The following SSX2IP variants were observed in gnomAD, a reference collection of about 807,000 sequenced individuals.
The protein encoded by SSX2IP is SSX family member 2 interacting protein.
A neutral mutation model predicts 84.9 loss-of-function variants in SSX2IP; 55 were observed. The observed-to-expected ratio is 0.65, with a 90% CI of 0.52 to 0.81. The LOEUF (loss-of-function observed/expected upper bound fraction) is 0.81. SSX2IP is among the 30% of genes least tolerant of loss of function. The probability of loss-of-function intolerance (pLI) is 0.00; values close to 1 mark genes in which losing one functional copy is unlikely to be tolerated. For missense variants in SSX2IP, 664 were observed against 705.2 expected (o/e 0.94, Z 0.66); for synonymous variants, 239 against 234.7 (o/e 1.02, Z -0.17).
intron 4 of SSX2IP, among the ~76,000 whole-genome samples, chr1:84,668,069 T>C (rs1267883960): frequency 1.3e-5 from 2 of 152,156 alleles, no homozygotes; most frequent in Non-Finnish European, 2.9e-5. Context: ...CCCCACTGAA[T>C]ACACATTTCT....
rs1336110845 is a variant in SSX2IP at position 84,656,474 on chromosome 1, T to C, written c.1089A>G (p.Val363=). Residue 363 remains valine, a synonymous_variant, in exon 10 of 14, where the codon GTA becomes GTG. Coordinates refer to ENST00000342203, the MANE Select transcript of SSX2IP (RefSeq NM_001166293.2). The stretch of plus-strand genomic sequence containing the variant: ...CTTCATCATTAAAACCTTCCAGGTG[T>C]ACCTTTGAAACTAAGACAAAATCAG... ...VEKLDNQVSK[V]HLEGFNDEDV... 1 of 1,611,568 alleles carries C rather than the reference T, an allele frequency of 6.2e-7. No individual in the cohort carries two copies.
At position 84,650,948 on chromosome 1, in the gene SSX2IP, A is replaced by G. The variant is rs571536339; in HGVS notation, c.1505-421T>C. On this transcript the variant is annotated intron_variant, in intron 12 of 13. Coordinates refer to ENST00000342203, the MANE Select transcript of SSX2IP (RefSeq NM_001166293.2). ...TCTCGATCTCCTGACTTCGTGATCC[A>G]CCTGCCTCGGCCTCCCAAAGTGCTG... is the stretch of plus-strand genomic sequence containing the variant. Among the ~76,000 whole-genome samples, 184 of 152,094 alleles carry G rather than the reference A, an allele frequency of 1.2e-3. 1 individual carries two copies. Among genetic ancestry groups the G allele is most frequent in the Non-Finnish European group, 1.8e-3 (122 of 67,956 alleles).
intron 4 of SSX2IP, 67 bp from the exon 5 acceptor site, chr1:84,666,299 T>G (rs3096445): frequency 0.92 from 1,108,965 of 1,201,532 alleles, 512,885 homozygotes; most frequent in Non-Finnish European, 0.94. Context: ...ATCCTTAAAA[T>G]ATCAGTAACA....
chr1:84,669,933 G>T (rs1448482615), intron 3 of SSX2IP, 40 bp from the exon 4 acceptor site: 1 of 1,471,446 alleles, frequency 6.8e-7, no homozygotes, highest in Non-Finnish European at 9.4e-7. Flanking sequence ...GGTTACAGTT[G>T]AGGAGATACT....
intron 1 of SSX2IP, among the ~76,000 whole-genome samples, chr1:84,682,002 G>C (rs1655146837): frequency 6.6e-6 from 1 of 152,134 alleles, no homozygotes; most frequent in Non-Finnish European, 1.5e-5. Flanking sequence ...GGAGGAAAGA[G>C]GGAAATTGAC....
At chr1:84,650,712 T>C (rs1650104975) in intron 12 of SSX2IP, among the ~76,000 whole-genome samples, 185 bp from the exon 13 acceptor site, 1 of 2,472 alleles carries the variant, frequency 4.0e-4, no homozygotes, top group Non-Finnish European at 3.7e-3. Context: ...AAAAGGATCT[T>C]TTTTTTTTTT....
chr1:84,680,523 A>G (rs1319780488), intron 1 of SSX2IP: 1 of 152,216 alleles, frequency 6.6e-6, no homozygotes, highest in Non-Finnish European at 1.5e-5. Context: ...TCATGGGTAC[A>G]TGGTAAGTGC....
Position 84,658,419 on chromosome 1 carries a change from A to G in SSX2IP, c.977T>C (p.Met326Thr), listed in dbSNP as rs1651444369. 6.2e-7 allele frequency: 1 copy of G among 1,614,114 alleles called. No homozygotes were observed. Among genetic ancestry groups the G allele is most frequent in the African/African-American group, 1.3e-5 (1 of 75,038 alleles). ...CACAGTTTCACAGGAAAGGTCCCACATACTCTCTCTGCTTAGTTCCCCGGC... is the reference window on the plus strand; with the variant it reads ...CACAGTTTCACAGGAAAGGTCCCACGTACTCTCTCTGCTTAGTTCCCCGGC... The part of the protein sequence containing the change: ...EDAGELSRES[M>T]WDLSCETVRE... Residue 326 changes from methionine (M) to threonine (T), a missense_variant, in exon 9 of 14, where the codon ATG becomes ACG. Met to Thr is a moderately conservative substitution (Grantham distance 81). Coordinates refer to ENST00000342203, the MANE Select transcript of SSX2IP (RefSeq NM_001166293.2).
intron 1 of SSX2IP, among the ~76,000 whole-genome samples, chr1:84,679,039 T>C (rs1327937800): frequency 6.6e-6 from 1 of 152,242 alleles, no homozygotes; most frequent in African/African-American, 2.4e-5. Context: ...CTCACAAAGT[T>C]AGAGTTACCA....
intron 8 of SSX2IP, among the ~76,000 whole-genome samples, chr1:84,659,008 A>G (rs1651530691): frequency 6.6e-6 from 1 of 152,188 alleles, no homozygotes; most frequent in Non-Finnish European, 1.5e-5. Context: ...ACATGAAATC[A>G]TAAAGAAGTA....
chr1:84,690,247 G>C (rs1353161030), intron 1 of SSX2IP, 124 bp downstream of exon 1: 2 of 151,676 alleles, frequency 1.3e-5, no homozygotes, highest in African/African-American at 4.8e-5. Flanking sequence ...GCCGAACAAC[G>C]GGGCGCTGAG....
In SSX2IP at chr1:84,670,229, T is replaced by TA. The variant is rs908732273; in HGVS notation, c.214-337dup. 1.6e-3 allele frequency: 278 copies of TA among 171,898 alleles called. 1 individual carries two copies. Among genetic ancestry groups the TA allele is most frequent in the Middle Eastern group, 0.011 (4 of 380 alleles). The allele number at this position is 171,898 out of a possible 1,614,324, so 10.6% of individuals were successfully genotyped here. On this transcript the variant is annotated intron_variant, in intron 3 of 13. Transcript: ENST00000342203. ...AAAGGTTGGTTACTGGGCAACTTAG[T>TA]AAAAAAAAAATCAAAAGATAGAAAT...
In SSX2IP at chr1:84,650,468, C is replaced by G. The variant is rs564097704; in HGVS notation, c.1564G>C (p.Val522Leu). 6.2e-7 allele frequency: 1 copy of G among 1,614,132 alleles called. No individual in the cohort carries two copies. Among genetic ancestry groups the G allele is most frequent in the Non-Finnish European group, 8.5e-7 (1 of 1,180,020 alleles). ...ATGCAAACTGGAGACCCATTAGACA[C>G]ACTGTGAGGCTTCTTTTGCGGCTGC... ...SRQPQKKPHS[V>L]SNGSPVCMSK... The change falls in exon 13 of 14, where the codon GTG becomes CTG. Residue 522 changes from valine to leucine, a missense_variant. By Grantham distance (32) the Val-to-Leu change is conservative. Coordinates refer to ENST00000342203, the MANE Select transcript of SSX2IP (RefSeq NM_001166293.2).
At chr1:84,669,240 C>T (rs928710516) in intron 4 of SSX2IP, among the ~76,000 whole-genome samples, 3 of 151,652 alleles carry the variant, frequency 2.0e-5, no homozygotes, top group East Asian at 1.9e-4. Context: ...AGACCCAGGG[C>T]TTCTAAGGGA....
chr1:84,664,390 C>T, intron 6 of SSX2IP, 27 bp downstream of exon 6: 1 of 1,555,604 alleles, frequency 6.4e-7, no homozygotes, highest in Non-Finnish European at 8.6e-7. Flanking sequence ...TATTTATTCT[C>T]TTAGCTGATC....
At position 84,662,182 on chromosome 1, in the gene SSX2IP, G is replaced by A. The variant is rs201552951; in HGVS notation, c.927+16C>T. On this transcript the variant is annotated intron_variant, in intron 8 of 13. Transcript: ENST00000342203. ...AGCAATCTGAAGACTGTATTAGAGA[G>A]GAAAGAGCCACTTACAGTTCCTGTA... is the stretch of plus-strand genomic sequence containing the variant. The A allele has an allele frequency of 1.3e-6, 2 of 1,531,194 alleles. No homozygotes were observed. Among genetic ancestry groups the A allele is most frequent in the African/African-American group, 2.8e-5 (2 of 71,662 alleles). The allele number at this position is 1,531,194 out of a possible 1,614,324, so 94.9% of individuals were successfully genotyped here.
chr1:84,672,182 G>A (rs75693273), intron 1 of SSX2IP, among the ~76,000 whole-genome samples: 6,712 of 152,224 alleles, frequency 0.044, 199 homozygotes, highest in Middle Eastern at 0.082. Flanking sequence ...AAATGAAATT[G>A]TAAGTGGCAA....
rs779192894 is a variant in SSX2IP, at chr1:84,655,976, A to G, written c.1245T>C (p.Asp415=). Residue 415 remains aspartate, a synonymous_variant, in exon 11 of 14, where the codon GAT becomes GAC. Transcript: ENST00000342203. ...QQQLATAYDD[D]TTSLLRDCYL... Reference sequence around the variant, plus strand: ...AACAGTCTCGTAATAGTGAAGTGGTATCATCATCATATGCAGTAGCGAGCT... The same window carrying G: ...AACAGTCTCGTAATAGTGAAGTGGTGTCATCATCATATGCAGTAGCGAGCT... 1.2e-5 allele frequency: 20 copies of G among 1,613,190 alleles called. No individual in the cohort carries two copies. Among genetic ancestry groups the G allele is most frequent in the Admixed American group, 6.7e-5 (4 of 59,978 alleles).
rs563834077 is a variant in SSX2IP at position 84,664,322 on chromosome 1, A to T, written c.673+95T>A. The T allele has an allele frequency of 9.5e-5, 117 of 1,226,276 alleles. No homozygotes were observed. The African/African-American group carries it at 1.6e-3, about 17-fold the overall frequency. 76.0% of individuals were successfully genotyped at this position (1,226,276 alleles called of 1,614,324 possible). On this transcript the variant is annotated intron_variant, in intron 6 of 13. Transcript: ENST00000342203. ...CAATTGTATAAAGCATGAAAATAACATTTCGTGAGTTACTGTGTTCAATCC... is the reference window on the plus strand; with the variant it reads ...CAATTGTATAAAGCATGAAAATAACTTTTCGTGAGTTACTGTGTTCAATCC...
Sources: gnomAD v4.1 joint callset for allele counts (sites outside exome capture counted in the v4.1 genomes callset) on GRCh38, gnomAD v4.1.1 for gene constraint, MANE v1.5 for transcripts, NCBI Gene and HGNC (gene_info 2026-07-23, HGNC 2026-07-21) for gene names.